The following ITFG1 variants were observed in gnomAD, a reference collection of about 807,000 sequenced individuals.
ITFG1 encodes integrin alpha FG-GAP repeat containing 1, also known as T-cell immunomodulatory protein.
In ITFG1, 34 loss-of-function variants were observed where a neutral mutation model predicts 81.8. The ratio of observed to expected loss-of-function variants is 0.42; its 90% confidence interval spans 0.32 to 0.55. ITFG1 has a LOEUF of 0.55. ITFG1 is among the 20% of genes least tolerant of loss of function. ITFG1 has a pLI of 0.17. For missense variants in ITFG1, 672 were observed against 755.4 expected, an observed-to-expected ratio of 0.89 and a Z score of 1.29; for synonymous variants, 285 against 270.6, an observed-to-expected ratio of 1.05 and a Z score of -0.52.
chr16:47,223,401 C>G (rs971460836), intron 13 of ITFG1, among the ~76,000 whole-genome samples: 2 of 151,924 alleles, frequency 1.3e-5, no homozygotes, highest in African/African-American at 4.8e-5. Context: ...AAAAAACAAA[C>G]AACCCCATGA....
intron 13 of ITFG1, among the ~76,000 whole-genome samples, chr16:47,232,365 T>C (rs1475182278): frequency 6.6e-6 from 1 of 152,204 alleles, no homozygotes; most frequent in Non-Finnish European, 1.5e-5. Context: ...ATTTTCTTTT[T>C]TGAAGTAGGA....
chr16:47,286,909 C>T (rs1396353138), intron 10 of ITFG1, among the ~76,000 whole-genome samples: 1 of 152,178 alleles, frequency 6.6e-6, no homozygotes, highest in Non-Finnish European at 1.5e-5. Context: ...GAACATCTCA[C>T]ATTTAATATG....
At position 47,301,665 on chromosome 16, in the gene ITFG1, G is replaced by A. The variant is rs139759410; in HGVS notation, c.1070+9575C>T. On this transcript the variant is annotated intron_variant, in intron 10 of 17. Transcript: ENST00000320640. Reference sequence around the variant, plus strand: ...TCCACCTCAGCCTCCCAAAGTACTGGGATTACAGGCGTGAGCCATCGTGCC... The same window carrying A: ...TCCACCTCAGCCTCCCAAAGTACTGAGATTACAGGCGTGAGCCATCGTGCC... Among the ~76,000 whole-genome samples, 44 of 152,146 alleles carry A rather than the reference G, an allele frequency of 2.9e-4. 1 individual carries two copies. In the East Asian group the frequency reaches 8.5e-3, roughly 29 times the overall value.
chr16:47,264,007 G>A (rs927496427), intron 10 of ITFG1, among the ~76,000 whole-genome samples: 11 of 152,082 alleles, frequency 7.2e-5, no homozygotes, highest in East Asian at 1.9e-4. Context: ...AACTATTGGC[G>A]ACAAACAGTC....
chr16:47,168,187 G>A (rs1964917118), intron 14 of ITFG1, among the ~76,000 whole-genome samples: 2 of 152,116 alleles, frequency 1.3e-5, no homozygotes, highest in Admixed American at 6.6e-5. Context: ...AATTATGTAG[G>A]ACATCTTTTT....
At chr16:47,160,193 A>G (rs937898644) in intron 16 of ITFG1, among the ~76,000 whole-genome samples, 2 of 151,450 alleles carry the variant, frequency 1.3e-5, no homozygotes, top group African/African-American at 4.8e-5. Context: ...TTGGTAAAAA[A>G]AAAAAAAAAA....
intron 14 of ITFG1, among the ~76,000 whole-genome samples, chr16:47,205,500 C>A (rs1330922637): frequency 2.0e-5 from 3 of 152,164 alleles, no homozygotes; most frequent in Non-Finnish European, 4.4e-5. Context: ...GGTAAAAACT[C>A]CTCATTTCCT....
rs1964674863 is a variant in ITFG1, at chr16:47,154,577, T to G, written c.*1142A>C. 2 of 152,148 alleles carry G rather than the reference T, an allele frequency of 1.3e-5. No individual in the cohort carries two copies. Among genetic ancestry groups the G allele is most frequent in the South Asian group, 4.1e-4 (2 of 4,824 alleles). The allele number at this position is 152,148 out of a possible 1,614,324, so 9.4% of individuals were successfully genotyped here. On this transcript the variant is annotated 3_prime_UTR_variant, in exon 18 of 18. Transcript: ENST00000320640. ...GAAAATTATTAGCATTGATAAACTT[T>G]TTTTTTTCAGTCTTAAAGTCTTTTT...
intron 7 of ITFG1, 64 bp downstream of exon 7, chr16:47,375,812 C>G: frequency 1.0e-6 from 1 of 998,306 alleles, no homozygotes; most frequent in Non-Finnish European, 1.6e-6. Context: ...ATTTTATTTT[C>G]TAAAATTGTG....
At chr16:47,197,627 AC>A (rs891482726) in intron 14 of ITFG1, among the ~76,000 whole-genome samples, 1 of 152,156 alleles carries the variant, frequency 6.6e-6, no homozygotes, top group African/African-American at 2.4e-5. Flanking sequence ...CTCACAATAA[AC>A]CTCTTTAAAT....
At chr16:47,347,239 G>A (rs1427197201) in intron 8 of ITFG1, among the ~76,000 whole-genome samples, 1 of 152,238 alleles carries the variant, frequency 6.6e-6, no homozygotes, top group Admixed American at 6.5e-5. Context: ...GCCGAAGCAG[G>A]GCGAGGCATC....
At chr16:47,459,287 C>T (rs2151621168) in intron 1 of ITFG1, 112 bp from the exon 2 acceptor site, 2 of 694,904 alleles carry the variant, frequency 2.9e-6, no homozygotes, top group Admixed American at 2.2e-5. Flanking sequence ...TTTTATTCTA[C>T]TCCAGTTCAT....
chr16:47,333,186 C>T (rs1967658077), intron 8 of ITFG1, among the ~76,000 whole-genome samples: 2 of 151,926 alleles, frequency 1.3e-5, no homozygotes, highest in South Asian at 4.2e-4. Flanking sequence ...TTTATATGTA[C>T]TACATTAATA....
chr16:47,182,494 C>G (rs1965140348), intron 14 of ITFG1, among the ~76,000 whole-genome samples: 1 of 152,102 alleles, frequency 6.6e-6, no homozygotes, highest in Admixed American at 6.5e-5. Flanking sequence ...CCCTTGACCC[C>G]CTTGAGCCTT....
At chr16:47,410,717 G>A (rs1968799402) in intron 6 of ITFG1, among the ~76,000 whole-genome samples, 1 of 152,170 alleles carries the variant, frequency 6.6e-6, no homozygotes, top group Non-Finnish European at 1.5e-5. Context: ...GAACCTCTCG[G>A]ATCTTGGCTA....
At chr16:47,385,260 G>A in intron 6 of ITFG1, among the ~76,000 whole-genome samples, 1 of 152,016 alleles carries the variant, frequency 6.6e-6, no homozygotes, top group East Asian at 1.9e-4. Context: ...AAAATAATGA[G>A]GCACACTCAT....
intron 6 of ITFG1, among the ~76,000 whole-genome samples, chr16:47,392,977 G>A (rs765109496): frequency 6.6e-6 from 1 of 152,200 alleles, no homozygotes; most frequent in Non-Finnish European, 1.5e-5. Context: ...CAACTGGCAG[G>A]TAACTAAAGA....
intron 11 of ITFG1, 47 bp downstream of exon 11, chr16:47,260,498 G>T (rs1484311153): frequency 6.3e-7 from 1 of 1,596,038 alleles, no homozygotes; most frequent in South Asian, 1.1e-5. Flanking sequence ...GTGTGACAAG[G>T]TGAAAGGCAA....
intron 12 of ITFG1, among the ~76,000 whole-genome samples, chr16:47,245,184 T>C (rs1010041174): frequency 1.3e-5 from 2 of 151,994 alleles, no homozygotes; most frequent in Admixed American, 6.6e-5. Flanking sequence ...CCGTCTCTAC[T>C]AAAAATACAA....
Sources: allele counts gnomAD v4.1 joint callset (sites outside exome capture counted in the v4.1 genomes callset), GRCh38; gene constraint gnomAD v4.1.1; transcripts MANE v1.5; gene names NCBI Gene and HGNC (gene_info 2026-07-23, HGNC 2026-07-21).